The following STX2 variants were observed in gnomAD, a reference collection of about 807,000 sequenced individuals.
STX2 encodes the protein syntaxin-2.
STX2 carries 27 observed loss-of-function variants against 40.6 expected under a neutral mutation model. The ratio of observed to expected loss-of-function variants is 0.66; its 90% confidence interval spans 0.49 to 0.92. STX2 has a LOEUF of 0.92. STX2 is among the 40% of genes least tolerant of loss of function. STX2 has a pLI of 0.00. For synonymous variants in STX2, 123 were observed against 119.1 expected (o/e 1.03, Z -0.22); for missense variants, 328 against 366.1 (o/e 0.90, Z 0.85).
At chr12:130,817,192 G>A (rs994483783) in intron 3 of STX2, among the ~76,000 whole-genome samples, 2 of 150,640 alleles carry the variant, frequency 1.3e-5, no homozygotes, top group Admixed American at 1.3e-4. Flanking sequence ...AAAGTTACAA[G>A]ACACAGACGT....
At chr12:130,835,253 C>T (rs1188239541) in intron 1 of STX2, among the ~76,000 whole-genome samples, 1 of 152,118 alleles carries the variant, frequency 6.6e-6, no homozygotes, top group African/African-American at 2.4e-5. Context: ...CGTGCCCCTG[C>T]ACTCCAGCCT....
intron 3 of STX2, among the ~76,000 whole-genome samples, chr12:130,821,056 G>C (rs1952093309): frequency 6.6e-6 from 1 of 152,182 alleles, no homozygotes; most frequent in Non-Finnish European, 1.5e-5. Flanking sequence ...CCAATGAGGA[G>C]ATGCAAATAC....
chr12:130,835,287 T>G lies in STX2; in HGVS notation c.30+3783A>C, dbSNP rs935692644. 2.6e-5 allele frequency among the ~76,000 whole-genome samples: 4 copies of G among 151,656 alleles called. No individual in the cohort carries two copies. In the East Asian group the frequency reaches 7.7e-4, roughly 29 times the overall value. ...CTGGGCGACACAGTGAGATCCTGTC[T>G]CAAAGAAAAAAAAAAGAGATTTGCA... On this transcript the variant is annotated intron_variant, in intron 1 of 10. Transcript: ENST00000392373.
chr12:130,806,870 A>G (rs1291221254), intron 6 of STX2, 112 bp downstream of exon 6: 2 of 993,124 alleles, frequency 2.0e-6, no homozygotes, highest in Non-Finnish European at 3.0e-6. Flanking sequence ...TGGGTTTTAC[A>G]CTATTGGTGA....
intron 6 of STX2, among the ~76,000 whole-genome samples, chr12:130,801,877 G>A (rs150579983): frequency 8.1e-4 from 124 of 152,296 alleles, no homozygotes; most frequent in African/African-American, 2.6e-3. Context: ...CGTAATGAGA[G>A]TCAGATGCCT....
rs1951720115 is a variant in STX2 at position 130,813,034 on chromosome 12, A to T, written c.206-3T>A. 2 of 1,485,378 alleles carry T rather than the reference A, an allele frequency of 1.3e-6. No homozygotes were observed. The highest frequency in any genetic ancestry group is 1.8e-6 in the Non-Finnish European group (2 of 1,113,014). The allele number at this position is 1,485,378 out of a possible 1,614,324, so 92.0% of individuals were successfully genotyped here. On this transcript the variant is annotated splice_region_variant and splice_polypyrimidine_tract_variant and intron_variant, in intron 3 of 10. Coordinates refer to ENST00000392373, the MANE Select transcript of STX2 (RefSeq NM_194356.4). Reference sequence around the variant, plus strand: ...ATCTTCAAGCTCTTCTTTTATTTCTATAAAAATTTAAAATTAAAAAATAAA... The same window carrying T: ...ATCTTCAAGCTCTTCTTTTATTTCTTTAAAAATTTAAAATTAAAAAATAAA...
At chr12:130,796,581 G>T (rs1218873466) in intron 9 of STX2, among the ~76,000 whole-genome samples, 1 of 152,238 alleles carries the variant, frequency 6.6e-6, no homozygotes, top group East Asian at 1.9e-4. Flanking sequence ...GCGACTTCTT[G>T]AGAGAGTGAC....
chr12:130,792,614 C>T (rs1950911018), intron 10 of STX2, among the ~76,000 whole-genome samples: 1 of 152,156 alleles, frequency 6.6e-6, no homozygotes, highest in Non-Finnish European at 1.5e-5. Flanking sequence ...CAGGCATGCA[C>T]CACCATGCCC....
chr12:130,838,761 G>A (rs1377968405), intron 1 of STX2, among the ~76,000 whole-genome samples: 2 of 152,110 alleles, frequency 1.3e-5, no homozygotes, highest in East Asian at 1.9e-4. Flanking sequence ...CGAAGAGGGG[G>A]TCGAGGCCGG....
In STX2 at chr12:130,824,184, G is replaced by A. The variant is rs887512265; in HGVS notation, c.106-2396C>T. ...GCGGGCAGATCACTTGAGGTCAAAA[G>A]TTCAAAACCAGCCTGGCCAGCGTGG... On this transcript the variant is annotated intron_variant, in intron 2 of 10. Transcript: ENST00000392373. Among the ~76,000 whole-genome samples, 8 of 152,122 alleles carry A rather than the reference G, an allele frequency of 5.3e-5. No homozygotes were observed. In the East Asian group the frequency reaches 1.5e-3, roughly 29 times the overall value.
chr12:130,818,185 A>AAAAAAAT, intron 3 of STX2, among the ~76,000 whole-genome samples: 11 of 70,544 alleles, frequency 1.6e-4, no homozygotes, highest in African/African-American at 1.2e-3. Context: ...AAAAAAAAAA[A>AAAAAAAT]ATATATATAT....
chr12:130,797,363 G>T (rs1248857524), intron 9 of STX2, among the ~76,000 whole-genome samples: 1 of 152,156 alleles, frequency 6.6e-6, no homozygotes, highest in Non-Finnish European at 1.5e-5. Context: ...TTACATTAGG[G>T]GCCAATTTTT....
chr12:130,813,026 T>G lies in STX2; in HGVS notation c.211A>C (p.Lys71Gln). 6.6e-7 allele frequency: 1 copy of G among 1,509,572 alleles called. No homozygotes were observed. Among genetic ancestry groups the G allele is most frequent in the Non-Finnish European group, 8.8e-7 (1 of 1,131,420 alleles). 93.5% of individuals were successfully genotyped at this position (1,509,572 alleles called of 1,614,324 possible). A position where few individuals can be genotyped will look rare whatever the true frequency, so the allele number is the denominator to read the frequency against. Residue 71 changes from lysine (K) to glutamine (Q), a missense_variant, in exon 4 of 11, where the codon AAA becomes CAA. Coordinates refer to ENST00000392373, the MANE Select transcript of STX2 (RefSeq NM_194356.4). ...TTGTTCAGATCTTCAAGCTCTTCTT[T>G]TATTTCTATAAAAATTTAAAATTAA... ...LSAPNPEGKI[K>Q]EELEDLNKEI...
At chr12:130,829,991 G>A (rs1309461090) in intron 1 of STX2, among the ~76,000 whole-genome samples, 2 of 152,220 alleles carry the variant, frequency 1.3e-5, no homozygotes, top group African/African-American at 4.8e-5. Flanking sequence ...TTAGGTTCTA[G>A]ATTCAAAGTC....
At chr12:130,792,107 G>A (rs184103290) in intron 10 of STX2, 130 bp from the exon 11 acceptor site, 1 of 571,060 alleles carries the variant, frequency 1.8e-6, no homozygotes, top group Admixed American at 3.5e-5. Context: ...ACTCCTCCAT[G>A]TCATAGAAAA....
At chr12:130,819,458 C>G (rs1003125167) in intron 3 of STX2, among the ~76,000 whole-genome samples, 1 of 152,210 alleles carries the variant, frequency 6.6e-6, no homozygotes, top group Non-Finnish European at 1.5e-5. Flanking sequence ...CGGCTGGAGG[C>G]TGCTGCCTAC....
chr12:130,797,879 C>T (rs941616978), intron 9 of STX2, among the ~76,000 whole-genome samples: 7 of 152,210 alleles, frequency 4.6e-5, no homozygotes, highest in Non-Finnish European at 1.0e-4. Flanking sequence ...TCAAATAATT[C>T]TCTTCTTTCC....
intron 10 of STX2, among the ~76,000 whole-genome samples, chr12:130,794,581 G>A (rs750203703): frequency 1.3e-5 from 2 of 152,112 alleles, no homozygotes; most frequent in African/African-American, 2.4e-5. Context: ...CTCTAGCCTC[G>A]ACCTCCCCAG....
chr12:130,831,230 AAAT>A (rs1275405833), intron 1 of STX2, among the ~76,000 whole-genome samples: 9 of 152,264 alleles, frequency 5.9e-5, no homozygotes, highest in Admixed American at 3.9e-4. Flanking sequence ...CCTTCCATAC[AAAT>A]AATAATTGTG....
Sources: gnomAD v4.1 joint callset for allele counts (sites outside exome capture counted in the v4.1 genomes callset) on GRCh38, gnomAD v4.1.1 for gene constraint, MANE v1.5 for transcripts, NCBI Gene and HGNC (gene_info 2026-07-23, HGNC 2026-07-21) for gene names.